Variants in IL1RAPL2 observed in about 807,000 individuals in gnomAD.
The protein encoded by IL1RAPL2 is interleukin 1 receptor accessory protein like 2.
Under a neutral mutation model 44.1 loss-of-function variants are expected in IL1RAPL2, and 3 were observed. The ratio of observed to expected loss-of-function variants is 0.07; its 90% CI spans 0.03 to 0.18. The LOEUF is 0.18. IL1RAPL2 is among the 10% of genes least tolerant of loss of function. The pLI, the probability that IL1RAPL2 is intolerant of heterozygous loss-of-function variation, is 1.00. For missense variants in IL1RAPL2, 391 were observed against 496.4 expected (o/e 0.79, Z 2.02); for synonymous variants, 181 against 178.8 (o/e 1.01, Z -0.10).
At position 105,502,828 on chromosome X, in the gene IL1RAPL2, T is replaced by A. The variant is rs1202024980; in HGVS notation, c.772+18441T>A. 4.5e-5 allele frequency among the ~76,000 whole-genome samples: 5 copies of A among 110,620 alleles called. No homozygotes were observed. The Admixed American group carries it at 4.8e-4, about 11-fold the overall frequency. On this transcript the variant is annotated intron_variant, in intron 6 of 10. Transcript: ENST00000372582. The stretch of plus-strand genomic sequence containing the variant: ...TGACAAGTTTTAGGTCCTATCCACC[T>A]ACACAAACCACTTTGACCAAAATCA...
intron 2 of IL1RAPL2, among the ~76,000 whole-genome samples, chrX:104,782,487 A>C (rs1049606710): frequency 2.7e-5 from 3 of 111,756 alleles, no homozygotes; most frequent in African/African-American, 9.8e-5. Flanking sequence ...TCCCTTCCTG[A>C]GAAGTTAGGT....
intron 2 of IL1RAPL2, among the ~76,000 whole-genome samples, chrX:105,048,762 C>T (rs893368410): frequency 4.5e-5 from 5 of 111,614 alleles, no homozygotes; most frequent in Non-Finnish European, 9.4e-5. Flanking sequence ...TATATCTGAA[C>T]TGTCCAACAC....
chrX:105,020,655 T>C (rs1215665710), intron 2 of IL1RAPL2, among the ~76,000 whole-genome samples: 2 of 111,984 alleles, frequency 1.8e-5, no homozygotes, highest in African/African-American at 6.5e-5. Context: ...ACTATTGTTA[T>C]GTTTTGGCAC....
chrX:105,066,188 T>C lies in IL1RAPL2; in HGVS notation c.83-129287T>C, dbSNP rs182555432. On this transcript the variant is annotated intron_variant, in intron 2 of 10. Coordinates refer to ENST00000372582, the MANE Select transcript of IL1RAPL2 (RefSeq NM_017416.2). ...TCACTCCCAGAATTCAATCTCTTCC[T>C]TGCTTCTCCCTAATACTTCAGGGAG... Among the ~76,000 whole-genome samples the C allele has an allele frequency of 1.7e-4, 19 of 111,430 alleles. No homozygotes were observed. The East Asian group carries it at 5.4e-3, about 32-fold the overall frequency.
At position 105,624,568 on chromosome X, in the gene IL1RAPL2, T is replaced by C. The variant is rs769599180; in HGVS notation, c.773-92799T>C. On this transcript the variant is annotated intron_variant, in intron 6 of 10. Coordinates refer to ENST00000372582, the MANE Select transcript of IL1RAPL2 (RefSeq NM_017416.2). ...TAATCAGAGATCATCTATACATAAG[T>C]ATTGAAGAAAAGGCTATTCAGTGTG... 3.6e-5 allele frequency among the ~76,000 whole-genome samples: 4 copies of C among 111,624 alleles called. No homozygotes were observed. In the South Asian group the frequency reaches 1.5e-3, roughly 42 times the overall value.
At chrX:104,924,865 A>T (rs1924734852) in intron 2 of IL1RAPL2, among the ~76,000 whole-genome samples, 1 of 111,304 alleles carries the variant, frequency 9.0e-6, no homozygotes, top group African/African-American at 3.3e-5. Context: ...GAACTAAATG[A>T]GATTGAGACC....
intron 1 of IL1RAPL2, among the ~76,000 whole-genome samples, chrX:104,583,511 G>A (rs1384099505): frequency 8.9e-6 from 1 of 111,977 alleles, no homozygotes. Context: ...GTGGCATTTT[G>A]CATCTAGCTC....
At chrX:104,680,520 C>T (rs991288624) in intron 2 of IL1RAPL2, among the ~76,000 whole-genome samples, 2 of 111,574 alleles carry the variant, frequency 1.8e-5, no homozygotes, top group African/African-American at 6.5e-5. Flanking sequence ...TTTTCTGTTG[C>T]CATCCTGAAA....
intron 2 of IL1RAPL2, among the ~76,000 whole-genome samples, chrX:105,021,238 G>A (rs1359070313): frequency 9.0e-6 from 1 of 111,600 alleles, no homozygotes; most frequent in Non-Finnish European, 1.9e-5. Context: ...TATTCTTTCA[G>A]TAGGAGCATG....
chrX:105,151,738 T>C (rs768460612), intron 2 of IL1RAPL2, among the ~76,000 whole-genome samples: 2 of 110,069 alleles, frequency 1.8e-5, no homozygotes, highest in East Asian at 5.7e-4. Context: ...GTGGGCAATA[T>C]GCAAATGCCC....
intron 1 of IL1RAPL2, among the ~76,000 whole-genome samples, chrX:104,652,395 T>A (rs550719756): frequency 8.9e-6 from 1 of 112,267 alleles, no homozygotes; most frequent in African/African-American, 3.2e-5. Context: ...ACTAAAAGTT[T>A]CCACTCATTT....
At chrX:105,697,546 C>G (rs1360734102) in intron 6 of IL1RAPL2, among the ~76,000 whole-genome samples, 1 of 110,459 alleles carries the variant, frequency 9.1e-6, no homozygotes, top group African/African-American at 3.3e-5. Context: ...TGCCAGCTGA[C>G]TGCTTGGGAA....
intron 2 of IL1RAPL2, among the ~76,000 whole-genome samples, chrX:105,160,666 A>T (rs61496011): frequency 0.014 from 1,522 of 111,487 alleles, 24 homozygotes; most frequent in African/African-American, 0.047. Context: ...CTAAGAGAGA[A>T]TGTAGGGGAG....
At chrX:105,177,374 C>G (rs2033484823) in intron 2 of IL1RAPL2, among the ~76,000 whole-genome samples, 1 of 110,603 alleles carries the variant, frequency 9.0e-6, no homozygotes, top group South Asian at 3.9e-4. Flanking sequence ...CCCACTGATT[C>G]TACATTATGG....
At chrX:104,847,335 T>G (rs756247581) in intron 2 of IL1RAPL2, among the ~76,000 whole-genome samples, 19 of 112,025 alleles carry the variant, frequency 1.7e-4, no homozygotes, top group East Asian at 5.6e-4. Flanking sequence ...GGTCTAACAT[T>G]TAAGTCTTTA....
chrX:105,164,635 A>G (rs1245084029), intron 2 of IL1RAPL2, among the ~76,000 whole-genome samples: 1 of 112,202 alleles, frequency 8.9e-6, no homozygotes, highest in Non-Finnish European at 1.9e-5. Flanking sequence ...TCCTCCTTTA[A>G]GTACTTTCAA....
intron 2 of IL1RAPL2, among the ~76,000 whole-genome samples, chrX:104,768,140 A>G (rs1932586299): frequency 1.8e-5 from 2 of 111,555 alleles, no homozygotes; most frequent in Middle Eastern, 4.7e-3. Flanking sequence ...CTCACATATT[A>G]TTTTTTGTGG....
chrX:104,807,436 C>T (rs181411088), intron 2 of IL1RAPL2, among the ~76,000 whole-genome samples: 137 of 111,635 alleles, frequency 1.2e-3, no homozygotes, highest in African/African-American at 4.3e-3. Context: ...TAGGGTTTAT[C>T]TTTATTTGGA....
chrX:105,250,521 A>T (rs1018540594), intron 4 of IL1RAPL2, among the ~76,000 whole-genome samples: 2 of 110,619 alleles, frequency 1.8e-5, no homozygotes, highest in East Asian at 5.7e-4. Flanking sequence ...TTTCTGCACA[A>T]TTTTTTCTAT....
Sources: gnomAD v4.1 joint callset for allele counts (sites outside exome capture counted in the v4.1 genomes callset) on GRCh38, gnomAD v4.1.1 for gene constraint, MANE v1.5 for transcripts, NCBI Gene and HGNC (gene_info 2026-07-23, HGNC 2026-07-21) for gene names.